The following GRM7 variants were observed in gnomAD, a reference collection of about 807,000 sequenced individuals.
GRM7 encodes the protein metabotropic glutamate receptor 7.
A neutral mutation model predicts 84.5 loss-of-function variants in GRM7; 35 were observed. That is an observed-to-expected ratio of 0.41 (90% CI 0.32 to 0.55). GRM7 has a LOEUF of 0.55. Among genes scored for constraint, GRM7 ranks in the 20% least tolerant of loss-of-function variants. GRM7 has a pLI of 0.19. For missense variants in GRM7, 1,003 were observed against 1,194.6 expected (o/e 0.84, Z 2.36); for synonymous variants, 487 against 455.1 (o/e 1.07, Z -0.89).
chr3:7,580,101 A>G (rs1695174111), intron 8 of GRM7, among the ~76,000 whole-genome samples: 1 of 152,238 alleles, frequency 6.6e-6, no homozygotes, highest in Non-Finnish European at 1.5e-5. Context: ...CCAGGTAGTT[A>G]TAAGTCTTGT....
intron 2 of GRM7, among the ~76,000 whole-genome samples, chr3:7,271,189 C>T (rs73809050): frequency 0.016 from 2,370 of 152,158 alleles, 57 homozygotes; most frequent in African/African-American, 0.054. Context: ...TGAAACCCAA[C>T]AGAAAGAGGA....
At chr3:7,267,348 A>C (rs1575101615) in intron 2 of GRM7, among the ~76,000 whole-genome samples, 1 of 152,258 alleles carries the variant, frequency 6.6e-6, no homozygotes, top group East Asian at 1.9e-4. Flanking sequence ...CATTTTTCCT[A>C]GTGAAATCAC....
chr3:7,464,485 G>A (rs956194478), intron 7 of GRM7, among the ~76,000 whole-genome samples: 6 of 152,180 alleles, frequency 3.9e-5, no homozygotes, highest in Admixed American at 2.0e-4. Flanking sequence ...TCATTACAAA[G>A]AGAGATAAGA....
intron 7 of GRM7, among the ~76,000 whole-genome samples, chr3:7,539,264 G>A (rs1047144231): frequency 1.3e-5 from 2 of 152,156 alleles, no homozygotes; most frequent in South Asian, 2.1e-4. Context: ...GGCTTTATGA[G>A]TTTCTTAAAA....
intron 7 of GRM7, among the ~76,000 whole-genome samples, chr3:7,578,193 G>A (rs1040236723): frequency 6.6e-5 from 10 of 152,072 alleles, no homozygotes; most frequent in Non-Finnish European, 1.2e-4. Context: ...TTGCCTCAGG[G>A]AATTCTTAAG....
rs55732650 is a variant in GRM7, at chr3:7,176,229, TAAAAAAA to T, written c.736+29588_736+29594del. ...AAGGAGACCTCATCTCTATAAAAAG[TAAAAAAA>T]AAAAAAAAAAAAAAAAAAAAAAAAA... On this transcript the variant is annotated intron_variant, in intron 2 of 9. Coordinates refer to ENST00000357716, the MANE Select transcript of GRM7 (RefSeq NM_000844.4). Among the ~76,000 whole-genome samples the T allele has an allele frequency of 9.5e-5, 6 of 63,142 alleles. No individual in the cohort carries two copies. The East Asian group carries it at 3.1e-3, about 32-fold the overall frequency. 41.4% of individuals were successfully genotyped at this position (63,142 alleles called of 152,430 possible).
intron 1 of GRM7, among the ~76,000 whole-genome samples, chr3:7,135,954 G>T (rs1693756083): frequency 6.6e-6 from 1 of 151,960 alleles, no homozygotes; most frequent in South Asian, 2.1e-4. Context: ...TGAGTCTTCA[G>T]TGACAATTAT....
intron 2 of GRM7, among the ~76,000 whole-genome samples, chr3:7,252,977 A>G (rs1575084153): frequency 7.1e-6 from 1 of 141,376 alleles, no homozygotes; most frequent in African/African-American, 2.6e-5. Flanking sequence ...GACAGGAGCC[A>G]CTGCCTCTGG....
chr3:7,489,677 T>A (rs1699450589), intron 7 of GRM7, among the ~76,000 whole-genome samples: 1 of 152,138 alleles, frequency 6.6e-6, no homozygotes, highest in Non-Finnish European at 1.5e-5. Flanking sequence ...ATGCATAATA[T>A]TGCTTACAAT....
intron 1 of GRM7, among the ~76,000 whole-genome samples, chr3:6,872,175 A>T (rs1403536380): frequency 6.6e-6 from 1 of 152,200 alleles, no homozygotes; most frequent in Admixed American, 6.5e-5. Flanking sequence ...CAGTTAAGCT[A>T]AAGGTCAAAA....
chr3:7,610,478 T>C (rs561906080), intron 8 of GRM7, among the ~76,000 whole-genome samples: 1 of 152,284 alleles, frequency 6.6e-6, no homozygotes, highest in South Asian at 2.1e-4. Context: ...CATAAGGTAT[T>C]TTTCATTTAT....
chr3:7,326,007 C>A (rs1508709), intron 4 of GRM7, among the ~76,000 whole-genome samples: 1,736 of 151,916 alleles, frequency 0.011, 34 homozygotes, highest in African/African-American at 0.039. Context: ...AAAATAAATC[C>A]AACTTGTCTA....
chr3:7,705,255 T>C (rs187827243), intron 9 of GRM7, among the ~76,000 whole-genome samples: 18 of 152,294 alleles, frequency 1.2e-4, no homozygotes, highest in African/African-American at 4.3e-4. Flanking sequence ...ACTTCTTAGA[T>C]ACAAATGATT....
chr3:7,147,413 G>C (rs1694146073), intron 2 of GRM7, among the ~76,000 whole-genome samples: 1 of 151,624 alleles, frequency 6.6e-6, no homozygotes, highest in Non-Finnish European at 1.5e-5. Flanking sequence ...CAATATGCAT[G>C]CTTAGATATT....
rs184228970 is a variant in GRM7 at position 7,738,667 on chromosome 3, A to T, written c.2699-1690A>T. 2.8e-3 allele frequency among the ~76,000 whole-genome samples: 430 copies of T among 151,880 alleles called. 7 individuals are homozygous for T. Among genetic ancestry groups the T allele is most frequent in the Middle Eastern group, 0.021 (6 of 288 alleles). ...TATGCTACAGAAAACAGTCTTAATTAATCACACAGTAAAGGTGGTCTCAGG... is the reference window on the plus strand; with the variant it reads ...TATGCTACAGAAAACAGTCTTAATTTATCACACAGTAAAGGTGGTCTCAGG... On this transcript the variant is annotated intron_variant, in intron 9 of 9. Transcript: ENST00000357716.
intron 2 of GRM7, among the ~76,000 whole-genome samples, chr3:7,297,588 TGGG>T: frequency 6.6e-6 from 1 of 152,288 alleles, no homozygotes; most frequent in African/African-American, 2.4e-5. Context: ...TAACACTAAT[TGGG>T]ATTCCAGTGT....
chr3:7,306,633 C>T lies in GRM7; in HGVS notation c.1014C>T (p.Pro338=). Residue 338 remains proline, a synonymous_variant, in exon 4 of 10, where the codon CCC becomes CCT. Coordinates refer to ENST00000357716, the MANE Select transcript of GRM7 (RefSeq NM_000844.4). ...CAGAAGGGGCCATCACCATTCAGCC[C>T]AAGCGAGCCACGGTGGAAGGTATGG... is the stretch of plus-strand genomic sequence containing the variant. ...DIAEGAITIQ[P]KRATVEGFDA... 1.2e-6 allele frequency: 2 copies of T among 1,606,262 alleles called. No homozygotes were observed. The highest frequency in any genetic ancestry group is 2.2e-5 in the South Asian group (2 of 90,266).
intron 1 of GRM7, among the ~76,000 whole-genome samples, chr3:7,044,208 A>C (rs945263434): frequency 6.6e-6 from 1 of 152,222 alleles, no homozygotes; most frequent in African/African-American, 2.4e-5. Flanking sequence ...TCCATGAATC[A>C]ATATTTTGCA....
At chr3:7,395,038 CA>C (rs33944777) in intron 4 of GRM7, among the ~76,000 whole-genome samples, 28,684 of 135,532 alleles carry the variant, frequency 0.21, 2,777 homozygotes, top group South Asian at 0.36. Context: ...AACTCTGTCT[CA>C]AAAAAAAAAA....
Sources: gnomAD v4.1 joint callset for allele counts (sites outside exome capture counted in the v4.1 genomes callset) on GRCh38, gnomAD v4.1.1 for gene constraint, MANE v1.5 for transcripts, NCBI Gene and HGNC (gene_info 2026-07-23, HGNC 2026-07-21) for gene names.